The following HECW1 variants were observed in gnomAD, a reference collection of about 807,000 sequenced individuals.
The protein encoded by HECW1 is HECT, C2 and WW domain containing E3 ubiquitin protein ligase 1.
HECW1 carries 61 observed loss-of-function variants against 182.3 expected under a neutral mutation model. That is an observed-to-expected ratio of 0.33 (90% CI 0.27 to 0.41). HECW1 has a LOEUF of 0.41. Among genes scored for constraint, HECW1 ranks in the 10% least tolerant of loss-of-function variants. The probability of loss-of-function intolerance (pLI) is 1.00; values close to 1 mark genes in which losing one functional copy is unlikely to be tolerated. For synonymous variants in HECW1, 859 were observed against 832.6 expected (o/e 1.03, Z -0.55); for missense variants, 1,739 against 2,108.9 (o/e 0.82, Z 3.44).
chr7:43,271,558 T>C (rs1330347732), intron 3 of HECW1, among the ~76,000 whole-genome samples: 1 of 152,246 alleles, frequency 6.6e-6, no homozygotes, highest in South Asian at 2.1e-4. Flanking sequence ...TTTCTATACA[T>C]GTTCAAACTG....
At chr7:43,539,474 A>C (rs2081289135) in intron 24 of HECW1, among the ~76,000 whole-genome samples, 1 of 152,224 alleles carries the variant, frequency 6.6e-6, no homozygotes, top group South Asian at 2.1e-4. Flanking sequence ...AGTTTTCTAC[A>C]TCTTCCTGAA....
chr7:43,427,812 GACCCTCT>G (rs1174256546), intron 8 of HECW1, among the ~76,000 whole-genome samples: 1 of 152,140 alleles, frequency 6.6e-6, no homozygotes, highest in Non-Finnish European at 1.5e-5. Context: ...CATGACACCT[GACCCTCT>G]CCATCATCAA....
chr7:43,463,873 C>A (rs149998371), intron 14 of HECW1, 74 bp downstream of exon 14: 1 of 1,531,504 alleles, frequency 6.5e-7, no homozygotes, highest in Non-Finnish European at 8.9e-7. Context: ...AAGCCTCCCA[C>A]CCTGCCTCAT....
At chr7:43,318,182 C>T (rs1225648786) in intron 4 of HECW1, among the ~76,000 whole-genome samples, 1 of 152,124 alleles carries the variant, frequency 6.6e-6, no homozygotes, top group Non-Finnish European at 1.5e-5. Flanking sequence ...AAGGGAATAT[C>T]CCAGTGATCA....
At chr7:43,146,725 C>A (rs916745849) in intron 2 of HECW1, among the ~76,000 whole-genome samples, 4 of 152,192 alleles carry the variant, frequency 2.6e-5, no homozygotes, top group African/African-American at 9.7e-5. Context: ...GACAAGGCTT[C>A]TTTGGGGATG....
chr7:43,222,537 T>A (rs528698641), intron 2 of HECW1, among the ~76,000 whole-genome samples: 1 of 152,284 alleles, frequency 6.6e-6, no homozygotes, highest in Admixed American at 6.5e-5. Flanking sequence ...AATGCATCTT[T>A]CTGGGGTGAG....
At chr7:43,287,176 A>G (rs985462367) in intron 3 of HECW1, among the ~76,000 whole-genome samples, 3 of 152,194 alleles carry the variant, frequency 2.0e-5, no homozygotes, top group Admixed American at 6.5e-5. Context: ...TGTAAAGAGA[A>G]ATAATACAGG....
chr7:43,207,368 C>G (rs1795581123), intron 2 of HECW1, among the ~76,000 whole-genome samples: 1 of 152,100 alleles, frequency 6.6e-6, no homozygotes. Flanking sequence ...TTTAAATTGA[C>G]AAATAATATT....
chr7:43,287,972 G>A (rs1289729092), intron 3 of HECW1, among the ~76,000 whole-genome samples: 1 of 152,158 alleles, frequency 6.6e-6, no homozygotes, highest in African/African-American at 2.4e-5. Flanking sequence ...GGATAATCAA[G>A]AACTTGTTTT....
intron 24 of HECW1, chr7:43,512,230 C>T (rs2152930987): frequency 4.5e-6 from 1 of 222,692 alleles, no homozygotes; most frequent in South Asian, 1.8e-4. Context: ...CTTTGTAAAG[C>T]AGGACATTGT....
intron 2 of HECW1, among the ~76,000 whole-genome samples, chr7:43,207,340 G>A (rs571376210): frequency 3.3e-5 from 5 of 152,034 alleles, no homozygotes; most frequent in Non-Finnish European, 7.4e-5. Context: ...GCCACCGCAC[G>A]CCGCCTAAAA....
chr7:43,507,313 C>G, intron 22 of HECW1, 56 bp downstream of exon 22: 1 of 1,556,354 alleles, frequency 6.4e-7, no homozygotes, highest in Non-Finnish European at 8.8e-7. Flanking sequence ...CAATCCCTTT[C>G]TCCCCTACAC....
chr7:43,363,945 C>T (rs983883356), intron 6 of HECW1, among the ~76,000 whole-genome samples: 2 of 152,176 alleles, frequency 1.3e-5, no homozygotes, highest in African/African-American at 4.8e-5. Context: ...TAAGCCTTTG[C>T]AGTCTCGTCT....
At chr7:43,477,669 T>C (rs564991188) in intron 16 of HECW1, among the ~76,000 whole-genome samples, 1 of 152,336 alleles carries the variant, frequency 6.6e-6, no homozygotes, top group African/African-American at 2.4e-5. Flanking sequence ...GTCACAAATA[T>C]TGATTCACAT....
At chr7:43,176,675 G>T (rs1792283483) in intron 2 of HECW1, among the ~76,000 whole-genome samples, 1 of 152,146 alleles carries the variant, frequency 6.6e-6, no homozygotes, top group Non-Finnish European at 1.5e-5. Flanking sequence ...TCATAAATAG[G>T]TTAACCCATG....
chr7:43,457,731 C>T (rs532668958), intron 13 of HECW1, among the ~76,000 whole-genome samples: 1 of 150,262 alleles, frequency 6.7e-6, no homozygotes, highest in East Asian at 2.0e-4. Context: ...GCTGACATCA[C>T]ACCACTGCAC....
chr7:43,283,854 G>T (rs757330173), intron 3 of HECW1, among the ~76,000 whole-genome samples: 14 of 152,210 alleles, frequency 9.2e-5, no homozygotes, highest in Non-Finnish European at 1.6e-4. Context: ...GAGAGAAACA[G>T]TTGACAAGTT....
chr7:43,556,705 A>G (rs1585297200), intron 29 of HECW1, among the ~76,000 whole-genome samples: 2 of 151,986 alleles, frequency 1.3e-5, no homozygotes, highest in Admixed American at 1.3e-4. Context: ...ATTAAAAAAA[A>G]AAAAGAAAGA....
intron 2 of HECW1, among the ~76,000 whole-genome samples, chr7:43,232,768 G>A (rs1008726957): frequency 6.6e-6 from 1 of 152,176 alleles, no homozygotes; most frequent in African/African-American, 2.4e-5. Context: ...GGGAGAGGAG[G>A]CAAAGGACTC....
Sources: allele counts gnomAD v4.1 joint callset (sites outside exome capture counted in the v4.1 genomes callset), GRCh38; gene constraint gnomAD v4.1.1; transcripts MANE v1.5; gene names NCBI Gene and HGNC (gene_info 2026-07-23, HGNC 2026-07-21).